PYGB: variants seen among roughly 807,000 people sequenced by gnomAD.
PYGB encodes the protein glycogen phosphorylase B, also known as glycogen phosphorylase, brain form.
Under a neutral mutation model 94.3 loss-of-function variants are expected in PYGB, and 82 were observed. That is an observed-to-expected ratio of 0.87 (90% CI 0.73 to 1.04). The LOEUF (loss-of-function observed/expected upper bound fraction) is 1.04, where lower values mean the gene tolerates loss of function less well. Ranked by LOEUF, PYGB falls within the 50% of genes least tolerant of loss-of-function variation. The pLI, the probability that PYGB is intolerant of heterozygous loss-of-function variation, is 0.00. For synonymous variants in PYGB, 488 were observed against 479.1 expected (o/e 1.02, Z -0.24); for missense variants, 1,132 against 1,158.2 (o/e 0.98, Z 0.33).
chr20:25,251,509 A>T (rs531564222), intron 1 of PYGB, among the ~76,000 whole-genome samples: 2 of 152,342 alleles, frequency 1.3e-5, no homozygotes, highest in South Asian at 2.1e-4. Context: ...GAATTTGAGG[A>T]TGCTTATGCT....
chr20:25,290,601 C>G lies in PYGB; in HGVS notation c.1948C>G (p.Arg650Gly). ...RLKVIFLENYRVSLAEKVIPA... is the reference protein window; with the variant it reads ...RLKVIFLENYGVSLAEKVIPA... ...GAAAGTGATCTTCCTGGAGAACTACCGTGTGTCCTTGGCTGAGAAAGGTAA... is the reference window on the plus strand; with the variant it reads ...GAAAGTGATCTTCCTGGAGAACTACGGTGTGTCCTTGGCTGAGAAAGGTAA... Residue 650 changes from arginine to glycine, a missense_variant, in exon 16 of 20, where the codon CGT (arginine) becomes GGT (glycine). By Grantham distance (125) the Arg-to-Gly change is moderately radical. Coordinates refer to ENST00000216962, the MANE Select transcript of PYGB (RefSeq NM_002862.4). 2 of 1,604,766 alleles carry G rather than the reference C, an allele frequency of 1.2e-6. No individual in the cohort carries two copies. The highest frequency in any genetic ancestry group is 8.5e-7 in the Non-Finnish European group (1 of 1,172,062).
chr20:25,296,151 T>A (rs2088540345), intron 19 of PYGB, among the ~76,000 whole-genome samples: 1 of 152,084 alleles, frequency 6.6e-6, no homozygotes, highest in South Asian at 2.1e-4. Flanking sequence ...TGGGACCTTC[T>A]CTCCAGCTCC....
At chr20:25,260,692 C>T (rs1298819730) in intron 2 of PYGB, among the ~76,000 whole-genome samples, 4 of 152,306 alleles carry the variant, frequency 2.6e-5, no homozygotes, top group Admixed American at 6.5e-5. Context: ...TTGCCTCACC[C>T]GGGAAGCACA....
chr20:25,265,688 G>A (rs891082089), intron 2 of PYGB, among the ~76,000 whole-genome samples: 23 of 149,698 alleles, frequency 1.5e-4, no homozygotes, highest in African/African-American at 4.5e-4. Context: ...TTCACCTCCC[G>A]GGTTCACACC....
chr20:25,270,959 CTG>C (rs2088261298), intron 3 of PYGB, among the ~76,000 whole-genome samples: 1 of 152,232 alleles, frequency 6.6e-6, no homozygotes, highest in Admixed American at 6.5e-5. Context: ...GCTGCCACTG[CTG>C]TGCCGGCTTC....
intron 19 of PYGB, 126 bp downstream of exon 19, chr20:25,295,796 G>A: frequency 9.2e-7 from 1 of 1,081,668 alleles, no homozygotes; most frequent in Non-Finnish European, 1.4e-6. Flanking sequence ...TTGTGATTCT[G>A]ATCTGTCATC....
chr20:25,248,266 A>C lies in PYGB; in HGVS notation c.88A>C (p.Lys30Gln), dbSNP rs200154564. 5.2e-4 allele frequency: 836 copies of C among 1,600,874 alleles called. No homozygotes were observed. Among genetic ancestry groups the C allele is most frequent in the Non-Finnish European group, 6.8e-4 (798 of 1,174,404 alleles). ...GCTAGGCGACGTGGCCGAGGTGCGG[A>C]AGAGCTTCAACCGGCACTTGCACTT... ...AGLGDVAEVR[K>Q]SFNRHLHFTL... The change falls in exon 1 of 20, where the codon AAG (lysine) becomes CAG (glutamine). Residue 30 changes from lysine to glutamine, a missense_variant. Lys to Gln is a moderately conservative substitution (Grantham distance 53, BLOSUM62 1). Transcript: ENST00000216962.
chr20:25,257,631 C>G lies in PYGB; in HGVS notation c.244-1606C>G, dbSNP rs188706992. Among the ~76,000 whole-genome samples the G allele has an allele frequency of 2.2e-3, 341 of 152,218 alleles. 2 individuals are homozygous for G. The highest frequency in any genetic ancestry group is 3.7e-3 in the Non-Finnish European group (252 of 68,012). ...ATCACTTGAGGCCAGGAGTTTGCAG[C>G]CAGCCTGGGCAACATAGTGAGACCG... On this transcript the variant is annotated intron_variant, in intron 1 of 19. Coordinates refer to ENST00000216962, the MANE Select transcript of PYGB (RefSeq NM_002862.4).
chr20:25,285,752 A>G (rs1212603741), intron 14 of PYGB, among the ~76,000 whole-genome samples: 1 of 151,978 alleles, frequency 6.6e-6, no homozygotes, highest in Non-Finnish European at 1.5e-5. Context: ...CCCCACTGTC[A>G]GAGCTCACAG....
At chr20:25,278,962 G>GCC in intron 8 of PYGB, 95 bp from the exon 9 acceptor site, 1 of 1,100,230 alleles carries the variant, frequency 9.1e-7, no homozygotes. Flanking sequence ...GGTGGGCTGG[G>GCC]CTGGCTCCTT....
intron 1 of PYGB, chr20:25,251,291 A>G (rs1175087937): frequency 6.6e-6 from 1 of 152,206 alleles, no homozygotes; most frequent in East Asian, 1.9e-4. Context: ...GCGTGATTCC[A>G]CGCTCCTTTT....
intron 14 of PYGB, among the ~76,000 whole-genome samples, chr20:25,286,571 A>G (rs971895433): frequency 2.0e-4 from 30 of 152,042 alleles, no homozygotes; most frequent in African/African-American, 7.0e-4. Flanking sequence ...ACCTGGGGCT[A>G]TTCGGAATAG....
chr20:25,266,336 G>C (rs2088218391), intron 2 of PYGB, among the ~76,000 whole-genome samples: 1 of 151,796 alleles, frequency 6.6e-6, no homozygotes, highest in African/African-American at 2.4e-5. Context: ...GGGATATTTG[G>C]ATATCTACAT....
intron 2 of PYGB, among the ~76,000 whole-genome samples, chr20:25,265,219 G>A (rs187716024): frequency 8.7e-4 from 133 of 152,308 alleles, no homozygotes; most frequent in African/African-American, 3.1e-3. Flanking sequence ...AAACTGGCTA[G>A]CCATATGTAG....
chr20:25,287,257 A>ACG (rs1568697047), intron 14 of PYGB, among the ~76,000 whole-genome samples: 1 of 152,088 alleles, frequency 6.6e-6, no homozygotes, highest in African/African-American at 2.4e-5. Flanking sequence ...GGGGAGACAC[A>ACG]AGGTCTCACC....
intron 16 of PYGB, among the ~76,000 whole-genome samples, chr20:25,291,452 T>A: frequency 6.6e-6 from 1 of 152,140 alleles, no homozygotes; most frequent in East Asian, 1.9e-4. Flanking sequence ...GATCTGCTGT[T>A]GTTCTGCAAG....
At chr20:25,289,265 T>A (rs2088444756) in intron 15 of PYGB, among the ~76,000 whole-genome samples, 1 of 152,266 alleles carries the variant, frequency 6.6e-6, no homozygotes, top group Admixed American at 6.5e-5. Context: ...TTGAAGCAAA[T>A]TTTGGAATTG....
chr20:25,288,346 C>T (rs756225823), intron 14 of PYGB, 79 bp from the exon 15 acceptor site: 7 of 1,503,746 alleles, frequency 4.7e-6, no homozygotes, highest in South Asian at 4.5e-5. Flanking sequence ...TCAGGGTCGG[C>T]CTCTGATGCT....
At chr20:25,269,353 C>T in intron 3 of PYGB, 146 bp downstream of exon 3, 1 of 601,692 alleles carries the variant, frequency 1.7e-6, no homozygotes, top group Non-Finnish European at 2.9e-6. Context: ...TGAAATCTTG[C>T]CACTAGTGGG....
Sources: gnomAD v4.1 joint callset for allele counts (sites outside exome capture counted in the v4.1 genomes callset) on GRCh38, gnomAD v4.1.1 for gene constraint, MANE v1.5 for transcripts, NCBI Gene and HGNC (gene_info 2026-07-23, HGNC 2026-07-21) for gene names.